Variants in ATG7 observed in about 807,000 individuals in gnomAD.
ATG7 encodes ubiquitin-like modifier-activating enzyme ATG7.
ATG7 carries 70 observed loss-of-function variants against 82.4 expected under a neutral mutation model. The observed-to-expected ratio is 0.85, with a 90% CI of 0.70 to 1.04. ATG7 has a LOEUF of 1.04. ATG7 is among the 50% of genes least tolerant of loss of function. The probability of loss-of-function intolerance (pLI) is 0.00; values close to 1 mark genes in which losing one functional copy is unlikely to be tolerated. For missense variants in ATG7, 792 were observed against 864.3 expected (o/e 0.92, Z 1.05); for synonymous variants, 287 against 313.0 (o/e 0.92, Z 0.88).
chr3:11,574,785 A>ATGTGTGTGTGTGTGTGTGTG, the ATG7 span, among the ~76,000 whole-genome samples: 21 of 121,774 alleles, frequency 1.7e-4, no homozygotes, highest in East Asian at 2.1e-3. Context: ...TCAACTATAT[A>ATGTGTGTGTGTGTGTGTGTG]TGTGTGTGTG....
At chr3:11,562,689 G>A in the ATG7 span, among the ~76,000 whole-genome samples, 26 of 152,340 alleles carry the variant, frequency 1.7e-4, no homozygotes, top group South Asian at 1.2e-3. Context: ...GAATGGTTAC[G>A]ACATGAATGA....
chr3:11,369,933 AG>A (rs932071935), intron 18 of ATG7, among the ~76,000 whole-genome samples: 14 of 151,158 alleles, frequency 9.3e-5, no homozygotes, highest in Non-Finnish European at 1.9e-4. Context: ...TTTCACATTC[AG>A]TATCTCATTT....
rs543647825 is a variant in ATG7, at chr3:11,419,427, G to A, written c.1957-7377G>A. Reference sequence around the variant, plus strand: ...AAATTAGCCAGGAATGGTGGTGTGCGCCTGTAATCCCAGCTACTGGGGTGG... The same window carrying A: ...AAATTAGCCAGGAATGGTGGTGTGCACCTGTAATCCCAGCTACTGGGGTGG... On this transcript the variant is annotated intron_variant, in intron 19 of 20. Coordinates refer to ENST00000693202, the MANE Select transcript of ATG7 (RefSeq NM_001349232.2). Among the ~76,000 whole-genome samples the A allele has an allele frequency of 3.1e-4, 47 of 152,178 alleles. No homozygotes were observed. The South Asian group carries it at 4.0e-3, about 13-fold the overall frequency.
At chr3:11,352,353 T>C (rs1212698221) in intron 14 of ATG7, among the ~76,000 whole-genome samples, 2 of 152,226 alleles carry the variant, frequency 1.3e-5, no homozygotes, top group Non-Finnish European at 2.9e-5. Flanking sequence ...TTATAATTCT[T>C]TGGGTATATA....
intron 20 of ATG7, among the ~76,000 whole-genome samples, chr3:11,462,595 A>G (rs2086420273): frequency 6.6e-6 from 1 of 152,138 alleles, no homozygotes. Context: ...CCCTGGGATG[A>G]TGAAAGCAGA....
chr3:11,565,142 G>A, the ATG7 span: 7 of 1,012,852 alleles, frequency 6.9e-6, no homozygotes, highest in South Asian at 1.5e-4. The surrounding 1 kb of genome is among the most constrained non-coding windows in gnomAD (Gnocchi z 4.1). Context: ...TCGTGTGGCT[G>A]GGCAGCACGA....
At chr3:11,420,812 A>C (rs1040716711) in intron 19 of ATG7, among the ~76,000 whole-genome samples, 1 of 147,792 alleles carries the variant, frequency 6.8e-6, no homozygotes, top group Non-Finnish European at 1.5e-5. Context: ...CTGGAGTGCA[A>C]TGGCGCGATC....
At chr3:11,451,870 T>TACAC (rs1196954957) in intron 20 of ATG7, among the ~76,000 whole-genome samples, 1 of 141,750 alleles carries the variant, frequency 7.1e-6, no homozygotes, top group Non-Finnish European at 1.5e-5. Flanking sequence ...CGCCTTTACA[T>TACAC]ACACACACAC....
chr3:11,399,997 TTC>T (rs2079676477), intron 19 of ATG7, among the ~76,000 whole-genome samples: 1 of 152,212 alleles, frequency 6.6e-6, no homozygotes, highest in Non-Finnish European at 1.5e-5. Context: ...TATTTTACAT[TTC>T]TGTTACTTCA....
intron 19 of ATG7, among the ~76,000 whole-genome samples, chr3:11,406,228 G>T (rs981092840): frequency 3.3e-5 from 5 of 152,098 alleles, no homozygotes; most frequent in Admixed American, 1.3e-4. Context: ...GGACTCAAGT[G>T]ATCTGCCCAC....
At chr3:11,539,450 C>T (rs1275530910) in intron 20 of ATG7, among the ~76,000 whole-genome samples, 2 of 152,130 alleles carry the variant, frequency 1.3e-5, no homozygotes, top group Non-Finnish European at 1.5e-5. Flanking sequence ...GGCACTGAGC[C>T]GGGGAGGCCA....
intron 20 of ATG7, among the ~76,000 whole-genome samples, chr3:11,449,653 G>A (rs899111292): frequency 2.6e-5 from 4 of 152,270 alleles, no homozygotes; most frequent in East Asian, 1.9e-4. Flanking sequence ...TAAATCTAAC[G>A]TGTGTATTTG....
chr3:11,460,371 G>T (rs1245114847), intron 20 of ATG7, among the ~76,000 whole-genome samples: 4 of 152,312 alleles, frequency 2.6e-5, no homozygotes, highest in African/African-American at 7.2e-5. Context: ...CTCAGCAGGG[G>T]TGGCTGCCTA....
At chr3:11,456,632 C>A (rs145745233) in intron 20 of ATG7, among the ~76,000 whole-genome samples, 2 of 152,116 alleles carry the variant, frequency 1.3e-5, no homozygotes, top group African/African-American at 4.8e-5. Flanking sequence ...GAAATATAAA[C>A]CCTTGAGAGC....
chr3:11,459,393 C>T (rs1395299597), intron 20 of ATG7, among the ~76,000 whole-genome samples: 1 of 152,002 alleles, frequency 6.6e-6, no homozygotes, highest in Non-Finnish European at 1.5e-5. Context: ...TATTTATGTA[C>T]ATTCTGCCTG....
Position 11,466,082 on chromosome 3 carries a change from G to A in ATG7, c.2079+39156G>A, listed in dbSNP as rs975432218. 3.3e-5 allele frequency among the ~76,000 whole-genome samples: 5 copies of A among 152,214 alleles called. No homozygotes were observed. The South Asian group carries it at 8.3e-4, about 25-fold the overall frequency. ...CTCCGTTTTAGAACCTAAAGTCTGCGGCTTATTCCTAATGTGGAAAATGGA... is the reference window on the plus strand; with the variant it reads ...CTCCGTTTTAGAACCTAAAGTCTGCAGCTTATTCCTAATGTGGAAAATGGA... On this transcript the variant is annotated intron_variant, in intron 20 of 20. Coordinates refer to ENST00000693202, the MANE Select transcript of ATG7 (RefSeq NM_001349232.2).
At chr3:11,461,403 C>G (rs944973980) in intron 20 of ATG7, among the ~76,000 whole-genome samples, 1 of 152,176 alleles carries the variant, frequency 6.6e-6, no homozygotes, top group Admixed American at 6.5e-5. Context: ...CCTAATCCTG[C>G]TTAGAATTTC....
At chr3:11,313,744 A>G (rs1299992003) in intron 8 of ATG7, among the ~76,000 whole-genome samples, 1 of 152,144 alleles carries the variant, frequency 6.6e-6, no homozygotes, top group African/African-American at 2.4e-5. Flanking sequence ...CTGGGACTAC[A>G]GGCATCCCAT....
rs778609997 is a variant in ATG7, at chr3:11,379,928, C to T, written c.1876-44C>T. Reference sequence around the variant, plus strand: ...CAGACGTGCATTTCATAGATGTGGTCGTTGTGTGTTTGATGTGAATTGTTT... The same window carrying T: ...CAGACGTGCATTTCATAGATGTGGTTGTTGTGTGTTTGATGTGAATTGTTT... On this transcript the variant is annotated intron_variant, in intron 18 of 20. Transcript: ENST00000693202. 4.5e-6 allele frequency: 7 copies of T among 1,571,164 alleles called. No individual in the cohort carries two copies. The East Asian group carries it at 1.3e-4, about 30-fold the overall frequency.
Sources: gnomAD v4.1 joint callset for allele counts (sites outside exome capture counted in the v4.1 genomes callset) on GRCh38, gnomAD v4.1.1 for gene constraint, Gnocchi (gnomAD v3.1) non-coding constraint, MANE v1.5 for transcripts, NCBI Gene and HGNC (gene_info 2026-07-23, HGNC 2026-07-21) for gene names.